NELL1: variants seen among roughly 807,000 people sequenced by gnomAD.
NELL1 encodes the protein neural EGFL like 1, also known as protein kinase C-binding protein NELL1.
A neutral mutation model predicts 107.4 loss-of-function variants in NELL1; 76 were observed. That is an observed-to-expected ratio of 0.71 (90% CI 0.59 to 0.86). NELL1 has a LOEUF of 0.86. Among genes scored for constraint, NELL1 ranks in the 40% least tolerant of loss-of-function variants. The pLI, the probability that NELL1 is intolerant of heterozygous loss-of-function variation, is 0.00. For missense variants in NELL1, 1,024 were observed against 1,005.5 expected, an observed-to-expected ratio of 1.02 and a Z score of -0.25; for synonymous variants, 353 against 341.2, an observed-to-expected ratio of 1.03 and a Z score of -0.38.
chr11:21,463,331 T>C (rs922932052), intron 15 of NELL1, among the ~76,000 whole-genome samples: 13 of 152,064 alleles, frequency 8.5e-5, no homozygotes, highest in African/African-American at 3.1e-4. Context: ...ATGAATTTAT[T>C]TGTGCAAATT....
intron 15 of NELL1, among the ~76,000 whole-genome samples, chr11:21,451,064 G>C (rs543623575): frequency 2.9e-4 from 44 of 151,776 alleles, no homozygotes; most frequent in Admixed American, 9.8e-4. Context: ...GTGGGCGCCT[G>C]TAGTCCCAGC....
At chr11:20,838,512 G>T (rs185416965) in intron 3 of NELL1, among the ~76,000 whole-genome samples, 239 of 151,936 alleles carry the variant, frequency 1.6e-3, no homozygotes, top group Admixed American at 3.4e-3. Context: ...TAAAACTATT[G>T]TAAAAGAGTT....
chr11:20,736,119 T>C (rs1855755332), intron 2 of NELL1, among the ~76,000 whole-genome samples: 1 of 152,162 alleles, frequency 6.6e-6, no homozygotes, highest in Admixed American at 6.5e-5. Flanking sequence ...GCCTCTATTC[T>C]TAGTGAAATA....
chr11:21,532,085 C>T (rs1182961941), intron 15 of NELL1, among the ~76,000 whole-genome samples: 1 of 152,152 alleles, frequency 6.6e-6, no homozygotes, highest in East Asian at 1.9e-4. Flanking sequence ...TAGGCACCAG[C>T]ATGTGATGTG....
chr11:21,362,736 A>G (rs968762568), intron 14 of NELL1, among the ~76,000 whole-genome samples: 1 of 152,188 alleles, frequency 6.6e-6, no homozygotes, highest in Non-Finnish European at 1.5e-5. Flanking sequence ...GGGATGGGCC[A>G]TAAAACTCCC....
At chr11:21,320,942 G>A (rs1338593593) in intron 14 of NELL1, among the ~76,000 whole-genome samples, 2 of 152,194 alleles carry the variant, frequency 1.3e-5, no homozygotes, top group African/African-American at 4.8e-5. Flanking sequence ...TGAATGAAAA[G>A]CATTGCACAT....
In NELL1 at chr11:20,715,244, T is replaced by A. The variant is rs7127816; in HGVS notation, c.184+37184T>A. 1.7e-3 allele frequency among the ~76,000 whole-genome samples: 261 copies of A among 150,692 alleles called. 1 individual carries two copies. The highest frequency in any genetic ancestry group is 6.1e-3 in the African/African-American group (251 of 41,038). ...TGGGGACAGAGTGAGAAAAAAAAAA[T>A]TATATATTGCGCTTAATTCCTAGTG... On this transcript the variant is annotated intron_variant, in intron 2 of 19. Coordinates refer to ENST00000357134, the MANE Select transcript of NELL1 (RefSeq NM_006157.5).
At chr11:21,330,196 G>C (rs1850239451) in intron 14 of NELL1, among the ~76,000 whole-genome samples, 1 of 151,884 alleles carries the variant, frequency 6.6e-6, no homozygotes, top group Admixed American at 6.6e-5. Context: ...TATGTTATAG[G>C]CTTAACAATA....
At chr11:21,136,948 C>T (rs1021395614) in intron 13 of NELL1, among the ~76,000 whole-genome samples, 4 of 152,140 alleles carry the variant, frequency 2.6e-5, no homozygotes, top group African/African-American at 7.2e-5. Context: ...GTTGGCTAGG[C>T]GTATCCTTAA....
At chr11:20,935,023 A>C (rs1850694162) in intron 9 of NELL1, among the ~76,000 whole-genome samples, 1 of 152,204 alleles carries the variant, frequency 6.6e-6, no homozygotes, top group Non-Finnish European at 1.5e-5. Context: ...TCTGTGGATC[A>C]AGAAATTTGA....
intron 5 of NELL1, among the ~76,000 whole-genome samples, chr11:20,889,619 T>C (rs1436557440): frequency 4.6e-5 from 7 of 152,216 alleles, no homozygotes; most frequent in African/African-American, 1.4e-4. Flanking sequence ...TGCTTAATTT[T>C]AGAAAAATAA....
intron 15 of NELL1, among the ~76,000 whole-genome samples, chr11:21,494,100 T>C (rs1590977234): frequency 6.6e-6 from 1 of 152,124 alleles, no homozygotes; most frequent in South Asian, 2.1e-4. Context: ...TTACATATAG[T>C]ATTAACAAAA....
intron 12 of NELL1, among the ~76,000 whole-genome samples, chr11:21,002,654 A>C (rs990988594): frequency 6.6e-6 from 1 of 152,160 alleles, no homozygotes; most frequent in Non-Finnish European, 1.5e-5. Context: ...TGGCAGAAAG[A>C]GGTTCTCTTG....
At chr11:20,787,526 T>C (rs1314727800) in intron 3 of NELL1, among the ~76,000 whole-genome samples, 1 of 152,198 alleles carries the variant, frequency 6.6e-6, no homozygotes, top group African/African-American at 2.4e-5. Context: ...CGTATATAAG[T>C]TGACCAAGGA....
chr11:21,357,371 T>C (rs1266371053), intron 14 of NELL1, among the ~76,000 whole-genome samples: 2 of 152,360 alleles, frequency 1.3e-5, no homozygotes, highest in East Asian at 1.9e-4. Flanking sequence ...AGGTAGCTCA[T>C]TGTGGTTTTA....
intron 12 of NELL1, among the ~76,000 whole-genome samples, chr11:20,976,826 TTATATTA>T (rs1851646434): frequency 1.3e-5 from 2 of 152,268 alleles, no homozygotes; most frequent in South Asian, 4.1e-4. Context: ...CTCTGTATAT[TTATATTA>T]TAAGTGGCAG....
chr11:21,301,211 G>A (rs977564509), intron 14 of NELL1, among the ~76,000 whole-genome samples: 3 of 152,144 alleles, frequency 2.0e-5, no homozygotes, highest in Non-Finnish European at 2.9e-5. Flanking sequence ...ACATACGTGT[G>A]CATGTGTCTT....
intron 14 of NELL1, among the ~76,000 whole-genome samples, chr11:21,286,539 C>T (rs959431679): frequency 5.3e-5 from 8 of 152,204 alleles, no homozygotes; most frequent in African/African-American, 1.9e-4. Flanking sequence ...TCGTACCACT[C>T]TTTTTTATGA....
intron 2 of NELL1, among the ~76,000 whole-genome samples, chr11:20,775,089 A>G (rs1341440596): frequency 2.6e-5 from 4 of 152,154 alleles, no homozygotes; most frequent in African/African-American, 7.2e-5. Context: ...GAGCTCATAT[A>G]TTTTAGCATA....
Sources: allele counts gnomAD v4.1 joint callset (sites outside exome capture counted in the v4.1 genomes callset), GRCh38; gene constraint gnomAD v4.1.1; transcripts MANE v1.5; gene names NCBI Gene and HGNC (gene_info 2026-07-23, HGNC 2026-07-21).